TTC28: variants seen among roughly 807,000 people sequenced by gnomAD.
The protein encoded by TTC28 is tetratricopeptide repeat domain 28.
TTC28 carries 61 observed loss-of-function variants against 198.0 expected under a neutral mutation model. The observed-to-expected ratio is 0.31, with a 90% CI of 0.25 to 0.38. The LOEUF (loss-of-function observed/expected upper bound fraction) is 0.38, where lower values mean the gene tolerates loss of function less well. Among genes scored for constraint, TTC28 ranks in the 10% least tolerant of loss-of-function variants. The pLI, the probability that TTC28 is intolerant of heterozygous loss-of-function variation, is 1.00. For synonymous variants in TTC28, 1,171 were observed against 1,297.8 expected (o/e 0.90, Z 2.10); for missense variants, 2,678 against 3,164.0 (o/e 0.85, Z 3.69).
chr22:28,264,540 G>A (rs1414433897), intron 5 of TTC28, among the ~76,000 whole-genome samples: 1 of 152,144 alleles, frequency 6.6e-6, no homozygotes, highest in African/African-American at 2.4e-5. Flanking sequence ...GGAGAAGAAA[G>A]GATATTTGGA....
In TTC28 at chr22:28,005,413, C is replaced by G. The variant is rs768753988; in HGVS notation, c.4219-3860G>C. On this transcript the variant is annotated intron_variant, in intron 14 of 22. Transcript: ENST00000397906. The surrounding 1 kb of genome is among the most constrained non-coding windows in gnomAD (Gnocchi z 4.9). ...TGAGTGCACTGGAGGTGGCTTTGTG[C>G]AGCTGTTGTCAGTTTACTGCCTCTC... is the stretch of plus-strand genomic sequence containing the variant. Among the ~76,000 whole-genome samples the G allele has an allele frequency of 2.0e-5, 3 of 152,204 alleles. No individual in the cohort carries two copies. Among genetic ancestry groups the G allele is most frequent in the Non-Finnish European group, 4.4e-5 (3 of 68,028 alleles).
intron 2 of TTC28, among the ~76,000 whole-genome samples, chr22:28,537,076 G>A (rs1395926100): frequency 1.3e-5 from 2 of 151,656 alleles, no homozygotes; most frequent in African/African-American, 2.4e-5. Context: ...GGCGGATCAC[G>A]AGGTCAGGAG....
intron 2 of TTC28, among the ~76,000 whole-genome samples, chr22:28,431,823 C>T (rs1420345319): frequency 1.3e-5 from 2 of 151,746 alleles, no homozygotes; most frequent in Admixed American, 1.3e-4. Flanking sequence ...ACTAAAAATA[C>T]AAAAATGAGC....
intron 5 of TTC28, among the ~76,000 whole-genome samples, chr22:28,279,524 C>T (rs866723827): frequency 2.5e-4 from 38 of 152,246 alleles, no homozygotes; most frequent in African/African-American, 9.1e-4. Context: ...GCATGTGCCA[C>T]CACGCCTGGC....
At chr22:28,050,672 A>C (rs553180216) in intron 12 of TTC28, among the ~76,000 whole-genome samples, 1 of 152,166 alleles carries the variant, frequency 6.6e-6, no homozygotes, top group South Asian at 2.1e-4. Flanking sequence ...CTACACATGC[A>C]CTAATACAAG....
At chr22:28,469,433 T>C (rs1417211869) in intron 2 of TTC28, among the ~76,000 whole-genome samples, 1 of 152,196 alleles carries the variant, frequency 6.6e-6, no homozygotes, top group Non-Finnish European at 1.5e-5. Context: ...TGCTAGTTTA[T>C]ATGGCAAGAG....
chr22:28,169,408 C>T (rs1393656582), intron 5 of TTC28, among the ~76,000 whole-genome samples: 2 of 152,106 alleles, frequency 1.3e-5, no homozygotes, highest in Non-Finnish European at 1.5e-5. Context: ...ATAGCAAAGA[C>T]TTGGAACCAA....
rs1368573616 is a variant in TTC28, at chr22:27,981,027, C to G, written c.*1194G>C. 6.5e-6 allele frequency: 1 copy of G among 152,738 alleles called. No homozygotes were observed. The allele number at this position is 152,738 out of a possible 1,614,324, so 9.5% of individuals were successfully genotyped here. A position where few individuals can be genotyped will look rare whatever the true frequency, so the allele number is the denominator to read the frequency against. On this transcript the variant is annotated 3_prime_UTR_variant, in exon 23 of 23. Transcript: ENST00000397906. ...GCCAGTCCTTCAGACAGCAGGAGCACAGGAGGCTGGCCAGGGCCAAGGTGA... is the reference window on the plus strand; with the variant it reads ...GCCAGTCCTTCAGACAGCAGGAGCAGAGGAGGCTGGCCAGGGCCAAGGTGA...
chr22:28,192,308 C>G (rs1924895269), intron 5 of TTC28, among the ~76,000 whole-genome samples: 1 of 151,940 alleles, frequency 6.6e-6, no homozygotes, highest in Non-Finnish European at 1.5e-5. Context: ...TCATCAAAGA[C>G]CAAAGGTAGA....
chr22:28,008,466 A>G (rs764977814), intron 14 of TTC28: 16 of 152,270 alleles, frequency 1.1e-4, no homozygotes, highest in Non-Finnish European at 1.9e-4. Context: ...GCTGAGGTGA[A>G]TGAGATGTAC....
At chr22:28,299,450 A>G (rs989600018) in intron 3 of TTC28, among the ~76,000 whole-genome samples, 2 of 152,204 alleles carry the variant, frequency 1.3e-5, no homozygotes, top group Non-Finnish European at 2.9e-5. Flanking sequence ...CAATCAGATC[A>G]CTAACAGAGA....
At chr22:28,446,065 T>C (rs1229730856) in intron 2 of TTC28, among the ~76,000 whole-genome samples, 5 of 152,166 alleles carry the variant, frequency 3.3e-5, no homozygotes, top group Admixed American at 3.3e-4. Context: ...AAGAGAATAG[T>C]GTCAGCAAAG....
chr22:28,289,557 C>T (rs1220460912), intron 5 of TTC28, among the ~76,000 whole-genome samples: 2 of 152,134 alleles, frequency 1.3e-5, no homozygotes, highest in East Asian at 3.9e-4. Flanking sequence ...ACCTATTAAG[C>T]TATGCATTCG....
chr22:28,635,194 A>G (rs1279999295), intron 1 of TTC28, among the ~76,000 whole-genome samples: 1 of 151,950 alleles, frequency 6.6e-6, no homozygotes, highest in Non-Finnish European at 1.5e-5. Context: ...GGTGGCGGGC[A>G]CCTGTAGTCC....
intron 2 of TTC28, among the ~76,000 whole-genome samples, chr22:28,553,211 CG>C (rs2049720047): frequency 1.3e-5 from 2 of 151,868 alleles, no homozygotes. Flanking sequence ...GCCGCCACCC[CG>C]TCTGGGAAGT....
At chr22:28,342,042 A>G (rs1407359449) in intron 2 of TTC28, among the ~76,000 whole-genome samples, 1 of 152,106 alleles carries the variant, frequency 6.6e-6, no homozygotes, top group Non-Finnish European at 1.5e-5. Flanking sequence ...TTTGCTATTT[A>G]TTTGTACTCT....
At chr22:28,531,588 C>A (rs986898151) in intron 2 of TTC28, among the ~76,000 whole-genome samples, 11 of 152,210 alleles carry the variant, frequency 7.2e-5, no homozygotes, top group African/African-American at 2.4e-4. Context: ...CTCTCCACCC[C>A]AAATCAACAG....
intron 2 of TTC28, among the ~76,000 whole-genome samples, chr22:28,593,515 A>AGGT (rs1288184859): frequency 2.7e-5 from 4 of 150,736 alleles, no homozygotes; most frequent in African/African-American, 9.9e-5. Context: ...GTAGGTAGGT[A>AGGT]AGTAGGTGGA....
chr22:28,500,049 T>C (rs2048514370), intron 2 of TTC28, among the ~76,000 whole-genome samples: 1 of 152,176 alleles, frequency 6.6e-6, no homozygotes, highest in Non-Finnish European at 1.5e-5. Flanking sequence ...TGAGATATAA[T>C]TCACACACCA....
Sources: allele counts gnomAD v4.1 joint callset (sites outside exome capture counted in the v4.1 genomes callset), GRCh38; gene constraint gnomAD v4.1.1; non-coding constraint Gnocchi (gnomAD v3.1); transcripts MANE v1.5; gene names NCBI Gene and HGNC (gene_info 2026-07-23, HGNC 2026-07-21).